SHMT1: variants seen among roughly 807,000 people sequenced by gnomAD.
SHMT1 encodes the protein serine hydroxymethyltransferase 1.
Under a neutral mutation model 49.0 loss-of-function variants are expected in SHMT1, and 45 were observed. The ratio of observed to expected loss-of-function variants is 0.92; its 90% CI spans 0.72 to 1.18. The LOEUF (loss-of-function observed/expected upper bound fraction) is 1.18, where lower values mean the gene tolerates loss of function less well. SHMT1 is among the 50% of genes most tolerant of loss of function. The pLI is 0.00. For synonymous variants in SHMT1, 232 were observed against 246.6 expected (o/e 0.94, Z 0.55); for missense variants, 541 against 612.4 (o/e 0.88, Z 1.23).
intron 8 of SHMT1, among the ~76,000 whole-genome samples, chr17:18,333,693 C>G (rs879756629): frequency 2.0e-5 from 3 of 152,048 alleles, no homozygotes; most frequent in Non-Finnish European, 2.9e-5. Flanking sequence ...TGGTCTTGAA[C>G]TCCTGACCTC....
chr17:18,333,111 C>A, intron 9 of SHMT1, 55 bp downstream of exon 9: 1 of 1,608,552 alleles, frequency 6.2e-7, no homozygotes, highest in Middle Eastern at 1.7e-4. Context: ...AACTGAGAAG[C>A]AAGCCTTAAT....
At chr17:18,335,513 T>C (rs768828717) in intron 8 of SHMT1, 46 bp downstream of exon 8, 1 of 1,330,138 alleles carries the variant, frequency 7.5e-7, no homozygotes, top group Non-Finnish European at 1.1e-6. Context: ...ACAGGTGGGA[T>C]GGGAATTAGG....
At chr17:18,335,524 G>C in intron 8 of SHMT1, 35 bp downstream of exon 8, 2 of 1,428,504 alleles carry the variant, frequency 1.4e-6, no homozygotes, top group Non-Finnish European at 2.0e-6. Flanking sequence ...GGGAATTAGG[G>C]GCTACAGGAT....
chr17:18,348,322 C>T lies in SHMT1; in HGVS notation c.358+3G>A. 1.9e-6 allele frequency: 3 copies of T among 1,596,386 alleles called. No individual in the cohort carries two copies. Among genetic ancestry groups the T allele is most frequent in the Non-Finnish European group, 2.6e-6 (3 of 1,164,112 alleles). Reference sequence around the variant, plus strand: ...CACCAGGCCATATGGATGAGACAAGCACCTGAGTAGGGCTGGACGTTGACC... The same window carrying T: ...CACCAGGCCATATGGATGAGACAAGTACCTGAGTAGGGCTGGACGTTGACC... On this transcript the variant is annotated splice_donor_region_variant and intron_variant, in intron 4 of 11. Transcript: ENST00000316694.
In SHMT1 at chr17:18,340,463, C is replaced by A; in HGVS notation, c.602-208G>T. 1.5e-6 allele frequency: 1 copy of A among 678,720 alleles called. No homozygotes were observed. Among genetic ancestry groups the A allele is most frequent in the South Asian group, 1.7e-5 (1 of 58,824 alleles). The allele number at this position is 678,720 out of a possible 1,614,324, so 42.0% of individuals were successfully genotyped here. A position where few individuals can be genotyped will look rare whatever the true frequency, so the allele number is the denominator to read the frequency against. ...TTCAACGTCTTGGTGGTTGAGATGG[C>A]CCCAACTACTATTGCCAGCGCAGTC... On this transcript the variant is annotated intron_variant, in intron 6 of 11. Coordinates refer to ENST00000316694, the MANE Select transcript of SHMT1 (RefSeq NM_004169.5). The surrounding 1 kb of genome is among the most constrained non-coding windows in gnomAD (Gnocchi z 4.5).
chr17:18,330,597 G>A lies in SHMT1; in HGVS notation c.1129C>T (p.Leu377=), dbSNP rs1457616575. Residue 377 remains leucine, a synonymous_variant, in exon 10 of 12, where the codon CTA becomes TTA. Coordinates refer to ENST00000316694, the MANE Select transcript of SHMT1 (RefSeq NM_004169.5). Reference sequence around the variant, plus strand: ...TTGCAGGCAATAGAACAGGCTTCTAGCACCTTCTCAGCCCTTCCACCATCT... The same window carrying A: ...TTGCAGGCAATAGAACAGGCTTCTAACACCTTCTCAGCCCTTCCACCATCT... ...GTDGGRAEKV[L]EACSIACNKN... 2.5e-6 allele frequency: 4 copies of A among 1,613,992 alleles called. No individual in the cohort carries two copies. The highest frequency in any genetic ancestry group is 2.7e-5 in the African/African-American group (2 of 74,938).
intron 4 of SHMT1, 83 bp from the exon 5 acceptor site, chr17:18,347,739 C>G (rs1196144507): frequency 6.6e-7 from 1 of 1,516,048 alleles, no homozygotes; most frequent in Non-Finnish European, 9.1e-7. Flanking sequence ...ACTAAGCCTT[C>G]ACCCAGGAGT....
At chr17:18,337,581 C>A (rs1051260714) in intron 7 of SHMT1, among the ~76,000 whole-genome samples, 6 of 131,372 alleles carry the variant, frequency 4.6e-5, no homozygotes, top group Non-Finnish European at 9.7e-5. Flanking sequence ...CCTCTCCCCA[C>A]GGTCTCCCTC....
intron 1 of SHMT1, 21 bp from the exon 2 acceptor site, chr17:18,356,021 T>C (rs1598065498): frequency 1.1e-6 from 1 of 871,900 alleles, no homozygotes; most frequent in Non-Finnish European, 1.7e-6. Flanking sequence ...GGGAAAAACA[T>C]GTGTAGCTTC....
At chr17:18,349,539 G>C (rs577615435) in intron 3 of SHMT1, among the ~76,000 whole-genome samples, 2 of 152,164 alleles carry the variant, frequency 1.3e-5, no homozygotes, top group South Asian at 4.2e-4. Flanking sequence ...GCAACATAGT[G>C]AGATCTCAGC....
At chr17:18,337,435 A>T (rs959830161) in intron 7 of SHMT1, among the ~76,000 whole-genome samples, 1 of 152,148 alleles carries the variant, frequency 6.6e-6, no homozygotes, top group Admixed American at 6.5e-5. Flanking sequence ...AGGAGCACAG[A>T]GGCAACGGGG....
intron 3 of SHMT1, among the ~76,000 whole-genome samples, chr17:18,353,336 G>A (rs1415588455): frequency 6.6e-6 from 1 of 152,176 alleles, no homozygotes; most frequent in South Asian, 2.1e-4. Flanking sequence ...ACATGGCAAC[G>A]GCCACCTTCT....
At chr17:18,335,476 G>C (rs1313755870) in intron 8 of SHMT1, 83 bp downstream of exon 8, 1 of 931,142 alleles carries the variant, frequency 1.1e-6, no homozygotes, top group Non-Finnish European at 1.8e-6. Context: ...TCCCCAGCGT[G>C]GAAGTCCTGG....
Position 18,335,636 on chromosome 17 carries a change from A to G in SHMT1, c.854T>C (p.Leu285Pro). 2 of 1,614,030 alleles carry G rather than the reference A, an allele frequency of 1.2e-6. No individual in the cohort carries two copies. The highest frequency in any genetic ancestry group is 1.7e-6 in the Non-Finnish European group (2 of 1,179,980). Residue 285 changes from leucine to proline, a missense_variant, in exon 8 of 12, where the codon CTG (leucine) becomes CCG (proline). Physicochemically the swap from Leu to Pro is moderately conservative, Grantham distance 98. Transcript: ENST00000316694. Reference sequence around the variant, plus strand: ...ATTGATAAGAGACTCCAGGTTGTACAGAATCTCTTTGCCAGTCTTGGGATC... The same window carrying G: ...ATTGATAAGAGACTCCAGGTTGTACGGAATCTCTTTGCCAGTCTTGGGATC... ...SVDPKTGKEI[L>P]YNLESLINSA... is the part of the protein sequence containing the mutation.
intron 5 of SHMT1, among the ~76,000 whole-genome samples, chr17:18,344,368 T>G (rs912653056): frequency 2.6e-5 from 4 of 151,818 alleles, no homozygotes; most frequent in Non-Finnish European, 4.4e-5. Flanking sequence ...TGACCTCCAG[T>G]AAAAATGGAC....
intron 1 of SHMT1, among the ~76,000 whole-genome samples, chr17:18,361,142 C>T (rs562316983): frequency 6.6e-6 from 1 of 151,800 alleles, no homozygotes; most frequent in South Asian, 2.1e-4. Context: ...TCCATCTCTA[C>T]TAAAAATACA....
intron 7 of SHMT1, among the ~76,000 whole-genome samples, chr17:18,338,391 C>T (rs898705619): frequency 3.3e-5 from 5 of 151,148 alleles, no homozygotes; most frequent in Non-Finnish European, 5.9e-5. Context: ...CCGCCCCGTC[C>T]GGGAGGGAGG....
chr17:18,360,955 A>G (rs555182219), intron 1 of SHMT1, among the ~76,000 whole-genome samples: 1 of 152,168 alleles, frequency 6.6e-6, no homozygotes, highest in South Asian at 2.1e-4. Flanking sequence ...GGATCACTTG[A>G]GGTCAGGAGT....
intron 3 of SHMT1, among the ~76,000 whole-genome samples, chr17:18,350,416 T>C (rs370770891): frequency 6.6e-6 from 1 of 151,886 alleles, no homozygotes; most frequent in African/African-American, 2.4e-5. Context: ...AAGGCTCAGG[T>C]GGGAAGACTG....
Sources: gnomAD v4.1 joint callset for allele counts (sites outside exome capture counted in the v4.1 genomes callset) on GRCh38, gnomAD v4.1.1 for gene constraint, Gnocchi (gnomAD v3.1) non-coding constraint, MANE v1.5 for transcripts, NCBI Gene and HGNC (gene_info 2026-07-23, HGNC 2026-07-21) for gene names.